C7orf25: variants seen among roughly 807,000 people sequenced by gnomAD.
C7orf25 encodes the protein chromosome 7 open reading frame 25, also known as UPF0415 protein C7orf25.
C7orf25 carries 14 observed loss-of-function variants against 25.5 expected under a neutral mutation model. The observed-to-expected ratio is 0.55, with a 90% CI of 0.36 to 0.86. The LOEUF is 0.86. Among genes scored for constraint, C7orf25 ranks in the 40% least tolerant of loss-of-function variants. The probability of loss-of-function intolerance (pLI) is 0.01; values close to 1 mark genes in which losing one functional copy is unlikely to be tolerated. For missense variants in C7orf25, 405 were observed against 493.9 expected (o/e 0.82, Z 1.71); for synonymous variants, 184 against 179.9 (o/e 1.02, Z -0.18).
intron 1 of C7orf25, 121 bp downstream of exon 1, chr7:42,911,794 A>T: frequency 7.8e-7 from 1 of 1,276,040 alleles, no homozygotes; most frequent in Non-Finnish European, 9.9e-7. Context: ...CGGCTCAGGG[A>T]CCAGGCGCTG....
chr7:42,911,891 C>T, intron 1 of C7orf25, 24 bp downstream of exon 1: 1 of 1,426,746 alleles, frequency 7.0e-7, no homozygotes, highest in South Asian at 1.4e-5. Context: ...CCCAGCCTCC[C>T]CGCCTCGCTC....
chr7:42,910,997 C>T (rs767024752), intron 1 of C7orf25, 76 bp from the exon 2 acceptor site: 1 of 1,596,956 alleles, frequency 6.3e-7, no homozygotes, highest in South Asian at 1.1e-5. Flanking sequence ...TGATTAAAAA[C>T]TTCAATCTAG....
Position 42,909,530 on chromosome 7 carries a change from TCA to T in C7orf25, c.*103_*104del, listed in dbSNP as rs1274189290. On this transcript the variant is annotated 3_prime_UTR_variant, in exon 2 of 2. Transcript: ENST00000350427. The stretch of plus-strand genomic sequence containing the variant: ...AGAAACTCTACTGGTTTAAGAGTTC[TCA>T]GTTTTACTTTTACTATAGACCTTTT... 8.2e-7 allele frequency: 1 copy of T among 1,215,412 alleles called. No individual in the cohort carries two copies. The highest frequency in any genetic ancestry group is 1.5e-5 in the African/African-American group (1 of 65,322). The allele number at this position is 1,215,412 out of a possible 1,614,324, so 75.3% of individuals were successfully genotyped here. A position where few individuals can be genotyped will look rare whatever the true frequency, so the allele number is the denominator to read the frequency against.
In C7orf25 at chr7:42,911,853, C is replaced by G. The variant is rs578013526; in HGVS notation, c.-22+62G>C. 510 of 1,372,342 alleles carry G rather than the reference C, an allele frequency of 3.7e-4. 2 individuals are homozygous for G. In the African/African-American group the frequency reaches 6.7e-3, roughly 18 times the overall value. 85.0% of individuals were successfully genotyped at this position (1,372,342 alleles called of 1,614,324 possible). A position where few individuals can be genotyped will look rare whatever the true frequency, so the allele number is the denominator to read the frequency against. ...CCGCCGGGCCGGCCCTGCCCAGCCCCCTCTGGCCTCAGAAGAGGCGCCCCG... is the reference window on the plus strand; with the variant it reads ...CCGCCGGGCCGGCCCTGCCCAGCCCGCTCTGGCCTCAGAAGAGGCGCCCCG... On this transcript the variant is annotated intron_variant, in intron 1 of 1. Coordinates refer to ENST00000350427, the MANE Select transcript of C7orf25 (RefSeq NM_001099858.2).
chr7:42,909,963 G>A lies in C7orf25; in HGVS notation c.938C>T (p.Ser313Phe). The A allele has an allele frequency of 6.2e-7, 1 of 1,614,128 alleles. No individual in the cohort carries two copies. Among genetic ancestry groups the A allele is most frequent in the East Asian group, 2.2e-5 (1 of 44,876 alleles). Reference sequence around the variant, plus strand: ...AGGTCCTCCTAAGGTATCTAAAATAGACTGAAAGTCCTTGACAGCAGATTC... The same window carrying A: ...AGGTCCTCCTAAGGTATCTAAAATAAACTGAAAGTCCTTGACAGCAGATTC... ...ACESAVKDFQ[S>F]ILDTLGGPGE... The change falls in exon 2 of 2, where the codon TCT (serine) becomes TTT (phenylalanine). Residue 313 changes from serine to phenylalanine, a missense_variant. Physicochemically the swap from Ser to Phe is radical, Grantham distance 155. Coordinates refer to ENST00000350427, the MANE Select transcript of C7orf25 (RefSeq NM_001099858.2).
Position 42,910,234 on chromosome 7 carries a change from T to C in C7orf25, c.667A>G (p.Thr223Ala). 1 of 1,614,210 alleles carries C rather than the reference T, an allele frequency of 6.2e-7. No individual in the cohort carries two copies. The change falls in exon 2 of 2, where the codon ACC (threonine) becomes GCC (alanine). Residue 223 changes from threonine to alanine, a missense_variant. Transcript: ENST00000350427. Reference protein sequence around the residue: ...DDEGPELLQVTRVDRENILAS... With the variant: ...DDEGPELLQVARVDRENILAS... ...AGTATATTTTCTCGGTCAACTCTGGTCACCTGCAAAAGTTCAGGGCCCTCA... is the reference window on the plus strand; with the variant it reads ...AGTATATTTTCTCGGTCAACTCTGGCCACCTGCAAAAGTTCAGGGCCCTCA...
In C7orf25 at chr7:42,910,162, T is replaced by G. The variant is rs1785852280; in HGVS notation, c.739A>C (p.Arg247=). 1.2e-6 allele frequency: 2 copies of G among 1,614,174 alleles called. No homozygotes were observed. The highest frequency in any genetic ancestry group is 2.2e-5 in the East Asian group (1 of 44,886). The change falls in exon 2 of 2, where the codon AGA becomes CGA. Residue 247 remains arginine (R), a synonymous_variant. Coordinates refer to ENST00000350427, the MANE Select transcript of C7orf25 (RefSeq NM_001099858.2). ...PTEIKVDVCK[R]VNLDITTLIT... is the part of the protein sequence containing the mutation. ...AAAGTAGTAATGTCCAGATTTACTC[T>G]TTTGCACACATCGACCTTAATTTCT...
At chr7:42,911,374 G>A (rs1227193824) in intron 1 of C7orf25, 19 of 1,087,802 alleles carry the variant, frequency 1.7e-5, no homozygotes, top group Non-Finnish European at 2.1e-5. Context: ...GTCCTAAACT[G>A]AGCACTTCAG....
At chr7:42,911,675 G>GGCGGGGCCTTCTCGGTGGGCT (rs1785903763) in intron 1 of C7orf25, 6 of 1,135,292 alleles carry the variant, frequency 5.3e-6, no homozygotes, top group Non-Finnish European at 6.5e-6. Flanking sequence ...GCCAGAGGCC[G>GGCGGGGCCTTCTCGGTGGGCT]GCGGGGCCTT....
intron 1 of C7orf25, 150 bp downstream of exon 1, chr7:42,911,765 G>GC: frequency 8.1e-7 from 1 of 1,237,364 alleles, no homozygotes; most frequent in Non-Finnish European, 1.0e-6. Context: ...GGGCCGAAAA[G>GC]CCCCCACCGC....
At chr7:42,911,025 G>GT in intron 1 of C7orf25, 104 bp from the exon 2 acceptor site, 2 of 1,566,968 alleles carry the variant, frequency 1.3e-6, no homozygotes, top group Non-Finnish European at 1.7e-6. Flanking sequence ...GCTTATGGAG[G>GT]GTGAGTCTAT....
rs772572836 is a variant in C7orf25 at position 42,912,037 on chromosome 7, C to A, written c.-144G>T. The A allele has an allele frequency of 3.4e-6, 5 of 1,469,032 alleles. No individual in the cohort carries two copies. Among genetic ancestry groups the A allele is most frequent in the Non-Finnish European group, 1.8e-6 (2 of 1,118,564 alleles). 91.0% of individuals were successfully genotyped at this position (1,469,032 alleles called of 1,614,324 possible). ...GAACGCCGAGGCGGCTCCACCCGCG[C>A]GAGCCCCGCCGCCTCGGGCACCTCC... On this transcript the variant is annotated 5_prime_UTR_variant, in exon 1 of 2. Coordinates refer to ENST00000350427, the MANE Select transcript of C7orf25 (RefSeq NM_001099858.2).
rs1785830922 is a variant in C7orf25, at chr7:42,909,577, GA to G, written c.*57del. ...CCTTTTTTCCCACCAGTTTAGATGGGAAGACCCAGCCTTTGGTATAAATAAC... is the reference window on the plus strand; with the variant it reads ...CCTTTTTTCCCACCAGTTTAGATGGGAGACCCAGCCTTTGGTATAAATAAC... On this transcript the variant is annotated 3_prime_UTR_variant, in exon 2 of 2. Coordinates refer to ENST00000350427, the MANE Select transcript of C7orf25 (RefSeq NM_001099858.2). 2 of 1,535,214 alleles carry G rather than the reference GA, an allele frequency of 1.3e-6. No individual in the cohort carries two copies. Among genetic ancestry groups the G allele is most frequent in the Non-Finnish European group, 1.7e-6 (2 of 1,143,394 alleles).
In C7orf25 at chr7:42,912,056, C is replaced by T. The variant is rs536243937; in HGVS notation, c.-163G>A. On this transcript the variant is annotated 5_prime_UTR_variant, in exon 1 of 2. Transcript: ENST00000350427. ...CCCGCGCGAGCCCCGCCGCCTCGGG[C>T]ACCTCCTGCATCACGTGGTTCCGGG... is the stretch of plus-strand genomic sequence containing the variant. 6.9e-6 allele frequency: 10 copies of T among 1,450,892 alleles called. No homozygotes were observed. In the African/African-American group the frequency reaches 1.2e-4, roughly 17 times the overall value. The allele number at this position is 1,450,892 out of a possible 1,614,324, so 89.9% of individuals were successfully genotyped here. A position where few individuals can be genotyped will look rare whatever the true frequency, so the allele number is the denominator to read the frequency against.
chr7:42,911,380 T>A, intron 1 of C7orf25: 2 of 1,068,462 alleles, frequency 1.9e-6, no homozygotes, highest in South Asian at 2.6e-5. Flanking sequence ...AACTGAGCAC[T>A]TCAGCCTCCC....
In C7orf25 at chr7:42,910,678, T is replaced by G. The variant is rs1367606721; in HGVS notation, c.223A>C (p.Ile75Leu). 2 of 1,614,174 alleles carry G rather than the reference T, an allele frequency of 1.2e-6. No individual in the cohort carries two copies. Among genetic ancestry groups the G allele is most frequent in the Non-Finnish European group, 8.5e-7 (1 of 1,180,032 alleles). The change falls in exon 2 of 2, where the codon ATT (isoleucine) becomes CTT (leucine). Residue 75 changes from isoleucine to leucine, a missense_variant. Ile to Leu is a conservative substitution (Grantham distance 5). Transcript: ENST00000350427. The part of the protein sequence containing the change: ...QSTNLTHLRA[I>L]VESAENLEEV... ...TCCAGGTTTTCTGCTGATTCCACAA[T>G]GGCTCTCAGGTGTGTTAGGTTAGTG...
chr7:42,909,971 G>T lies in C7orf25; in HGVS notation c.930C>A (p.Asp310Glu). The change falls in exon 2 of 2, where the codon GAC becomes GAA. Residue 310 changes from aspartate (D) to glutamate (E), a missense_variant. Transcript: ENST00000350427. The stretch of plus-strand genomic sequence containing the variant: ...CTAAGGTATCTAAAATAGACTGAAA[G>T]TCCTTGACAGCAGATTCACAAGCAA... ...ELFACESAVK[D>E]FQSILDTLGG... 1 of 1,614,126 alleles carries T rather than the reference G, an allele frequency of 6.2e-7. No homozygotes were observed.
chr7:42,909,474 T>C lies in C7orf25; in HGVS notation c.*161A>G. ...CTTCTCTCTTGTGCTTTTTCTACTT[T>C]GGGAGGTTATATACTTTAGATGAGA... On this transcript the variant is annotated 3_prime_UTR_variant, in exon 2 of 2. Transcript: ENST00000350427. 6 of 699,828 alleles carry C rather than the reference T, an allele frequency of 8.6e-6. No individual in the cohort carries two copies. The East Asian group carries it at 1.4e-4, about 16-fold the overall frequency. 43.4% of individuals were successfully genotyped at this position (699,828 alleles called of 1,614,324 possible).
At position 42,911,991 on chromosome 7, in the gene C7orf25, C is replaced by G; in HGVS notation, c.-98G>C. ...CCGGGACCCGCCGGGAAATCTCAAC[C>G]GGGCAGCCCCCACCCCGCTCGAACG... On this transcript the variant is annotated 5_prime_UTR_variant, in exon 1 of 2. Coordinates refer to ENST00000350427, the MANE Select transcript of C7orf25 (RefSeq NM_001099858.2). 2 of 1,494,666 alleles carry G rather than the reference C, an allele frequency of 1.3e-6. No homozygotes were observed. Among genetic ancestry groups the G allele is most frequent in the Non-Finnish European group, 1.8e-6 (2 of 1,130,216 alleles). The allele number at this position is 1,494,666 out of a possible 1,614,324, so 92.6% of individuals were successfully genotyped here.
Sources: allele counts gnomAD v4.1 joint callset, GRCh38; gene constraint gnomAD v4.1.1; transcripts MANE v1.5; gene names NCBI Gene and HGNC (gene_info 2026-07-23, HGNC 2026-07-21).